HPSE2: variants seen among roughly 807,000 people sequenced by gnomAD.
HPSE2 encodes the protein inactive heparanase-2.
HPSE2 carries 38 observed loss-of-function variants against 60.5 expected under a neutral mutation model. The observed-to-expected ratio is 0.63, with a 90% CI of 0.48 to 0.82. The LOEUF (loss-of-function observed/expected upper bound fraction) is 0.82, where lower values mean the gene tolerates loss of function less well. HPSE2 is among the 40% of genes least tolerant of loss of function. HPSE2 has a pLI of 0.00. For missense variants in HPSE2, 713 were observed against 740.4 expected (o/e 0.96, Z 0.43); for synonymous variants, 295 against 293.2 (o/e 1.01, Z -0.06).
intron 3 of HPSE2, among the ~76,000 whole-genome samples, chr10:99,087,961 C>T (rs1207082476): frequency 1.3e-5 from 2 of 151,360 alleles, no homozygotes; most frequent in East Asian, 1.9e-4. Flanking sequence ...TTCCTGAACC[C>T]CCCCTTCTCA....
chr10:98,892,297 T>A (rs1953357151), intron 3 of HPSE2, among the ~76,000 whole-genome samples: 1 of 152,182 alleles, frequency 6.6e-6, no homozygotes, highest in South Asian at 2.1e-4. Flanking sequence ...TATCCGAATC[T>A]TCAGTTATCA....
At chr10:99,087,937 C>G (rs1843381085) in intron 3 of HPSE2, among the ~76,000 whole-genome samples, 1 of 151,648 alleles carries the variant, frequency 6.6e-6, no homozygotes, top group East Asian at 1.9e-4. Context: ...CATCCATTCC[C>G]TTCCATCCCT....
intron 3 of HPSE2, among the ~76,000 whole-genome samples, chr10:99,034,031 T>C (rs377426840): frequency 1.3e-5 from 2 of 152,202 alleles, no homozygotes; most frequent in Admixed American, 6.5e-5. Context: ...TATATGTGCA[T>C]ATGTTTAGCA....
intron 4 of HPSE2, among the ~76,000 whole-genome samples, chr10:98,728,184 C>A (rs1241689431): frequency 1.3e-5 from 2 of 152,064 alleles, no homozygotes; most frequent in African/African-American, 4.8e-5. Flanking sequence ...CTTCTCTTAA[C>A]TGATTTAAAA....
At chr10:98,823,623 T>A (rs1951473928) in intron 3 of HPSE2, among the ~76,000 whole-genome samples, 1 of 152,062 alleles carries the variant, frequency 6.6e-6, no homozygotes, top group African/African-American at 2.4e-5. Flanking sequence ...AGACCCCATC[T>A]CTAAAAAATA....
At chr10:98,714,071 G>A (rs1416030218) in intron 5 of HPSE2, among the ~76,000 whole-genome samples, 1 of 151,772 alleles carries the variant, frequency 6.6e-6, no homozygotes, top group Non-Finnish European at 1.5e-5. Flanking sequence ...GGATCTGGCT[G>A]TCCTATAAGC....
chr10:98,894,207 T>G (rs1374616722), intron 3 of HPSE2, among the ~76,000 whole-genome samples: 3 of 152,046 alleles, frequency 2.0e-5, no homozygotes, highest in African/African-American at 4.8e-5. Flanking sequence ...AGTTCAGGAC[T>G]GAAAAAATCA....
chr10:98,687,906 T>C (rs559682530), intron 6 of HPSE2, among the ~76,000 whole-genome samples: 9 of 152,320 alleles, frequency 5.9e-5, no homozygotes, highest in African/African-American at 2.2e-4. Flanking sequence ...TGACAATCTT[T>C]GCCTTTTAAT....
chr10:99,191,242 A>G (rs1848211493), intron 2 of HPSE2, among the ~76,000 whole-genome samples: 1 of 151,980 alleles, frequency 6.6e-6, no homozygotes, highest in Non-Finnish European at 1.5e-5. Flanking sequence ...GGCTGGCTTC[A>G]CCACTGCTGA....
intron 3 of HPSE2, among the ~76,000 whole-genome samples, chr10:98,897,106 T>C (rs1229336447): frequency 6.6e-6 from 1 of 152,166 alleles, no homozygotes; most frequent in Non-Finnish European, 1.5e-5. Flanking sequence ...ATGTTGTATG[T>C]TCTCACTTAT....
chr10:98,966,876 A>G (rs558422142), intron 3 of HPSE2, among the ~76,000 whole-genome samples: 3 of 152,232 alleles, frequency 2.0e-5, no homozygotes, highest in African/African-American at 7.2e-5. Context: ...GCATATAACA[A>G]AACTTCACAT....
chr10:98,588,834 G>A (rs547957308), intron 9 of HPSE2, among the ~76,000 whole-genome samples: 2 of 152,152 alleles, frequency 1.3e-5, no homozygotes, highest in South Asian at 4.2e-4. Context: ...GCCAGCACAT[G>A]GTGTTAGCAG....
At chr10:99,017,717 G>A (rs751322038) in intron 3 of HPSE2, among the ~76,000 whole-genome samples, 4 of 151,984 alleles carry the variant, frequency 2.6e-5, no homozygotes, top group Non-Finnish European at 5.9e-5. Flanking sequence ...GTTACTTGAC[G>A]TGGCTACCAT....
chr10:99,103,789 T>C (rs921666210), intron 3 of HPSE2, among the ~76,000 whole-genome samples: 1 of 152,024 alleles, frequency 6.6e-6, no homozygotes, highest in Non-Finnish European at 1.5e-5. Flanking sequence ...AACAGAGATA[T>C]AGACCAATGG....
intron 3 of HPSE2, among the ~76,000 whole-genome samples, chr10:98,986,235 G>T (rs1465093232): frequency 1.3e-5 from 2 of 152,158 alleles, no homozygotes; most frequent in Non-Finnish European, 1.5e-5. Flanking sequence ...TGACCACATA[G>T]TTGGAAGTAA....
At position 98,615,000 on chromosome 10, in the gene HPSE2, T is replaced by G. The variant is rs1275925772; in HGVS notation, c.1224A>C (p.Gly408=). ...CATCAATGCCCTGATTGGCCAGCAT[T>G]CCTAAAGTGTTCAACCATCTAAAAG... The part of the protein sequence containing the change: ...AAGFLWLNTL[G]MLANQGIDVV... Residue 408 remains glycine (G), a synonymous_variant, in exon 9 of 12, where the codon GGA becomes GGC. Coordinates refer to ENST00000370552, the MANE Select transcript of HPSE2 (RefSeq NM_021828.5). 6.2e-7 allele frequency: 1 copy of G among 1,613,620 alleles called. No homozygotes were observed. Among genetic ancestry groups the G allele is most frequent in the South Asian group, 1.1e-5 (1 of 91,074 alleles).
intron 2 of HPSE2, among the ~76,000 whole-genome samples, chr10:99,215,404 C>T (rs1395870901): frequency 2.0e-5 from 3 of 152,122 alleles, no homozygotes; most frequent in African/African-American, 7.2e-5. Flanking sequence ...TAAGTGGGAG[C>T]TGAACAACGA....
At chr10:98,612,254 A>T (rs1945782890) in intron 9 of HPSE2, among the ~76,000 whole-genome samples, 1 of 152,224 alleles carries the variant, frequency 6.6e-6, no homozygotes, top group Non-Finnish European at 1.5e-5. Context: ...CTACCATAAG[A>T]AACAGTGTAG....
rs145915704 is a variant in HPSE2, at chr10:99,111,836, C to T, written c.610+32402G>A. Among the ~76,000 whole-genome samples, 1,080 of 152,288 alleles carry T rather than the reference C, an allele frequency of 7.1e-3. 7 individuals are homozygous for T. The highest frequency in any genetic ancestry group is 0.01 in the Non-Finnish European group (687 of 68,010). On this transcript the variant is annotated intron_variant, in intron 3 of 11. Coordinates refer to ENST00000370552, the MANE Select transcript of HPSE2 (RefSeq NM_021828.5). ...TTCCTTTATGAAAAGCCCTTTAATT[C>T]CCCTAGGCCAACTCAGACTCCTATT... is the stretch of plus-strand genomic sequence containing the variant.
Sources: gnomAD v4.1 joint callset for allele counts (sites outside exome capture counted in the v4.1 genomes callset) on GRCh38, gnomAD v4.1.1 for gene constraint, MANE v1.5 for transcripts, NCBI Gene and HGNC (gene_info 2026-07-23, HGNC 2026-07-21) for gene names.